The following MGAT4A variants were observed in gnomAD, a reference collection of about 807,000 sequenced individuals.
The protein encoded by MGAT4A is alpha-1,3-mannosyl-glycoprotein 4-beta-N-acetylglucosaminyltransferase A.
A neutral mutation model predicts 74.1 loss-of-function variants in MGAT4A; 33 were observed. The observed-to-expected ratio is 0.45, with a 90% CI of 0.34 to 0.60. The LOEUF is 0.60. Ranked by LOEUF, MGAT4A falls within the 20% of genes least tolerant of loss-of-function variation. MGAT4A has a pLI of 0.02. For synonymous variants in MGAT4A, 198 were observed against 210.4 expected (o/e 0.94, Z 0.51); for missense variants, 479 against 628.3 (o/e 0.76, Z 2.54).
intron 4 of MGAT4A, among the ~76,000 whole-genome samples, chr2:98,669,048 C>T (rs1209635636): frequency 2.6e-5 from 4 of 152,114 alleles, no homozygotes; most frequent in African/African-American, 7.2e-5. Context: ...TCAGATGAGA[C>T]GTTGGACTGT....
chr2:98,642,005 A>G (rs951411199), intron 10 of MGAT4A, among the ~76,000 whole-genome samples: 16 of 152,084 alleles, frequency 1.1e-4, no homozygotes, highest in Middle Eastern at 3.2e-3. Flanking sequence ...CAAAAAAAAA[A>G]AAAAAAGAAA....
chr2:98,705,638 G>A (rs879922450), intron 2 of MGAT4A, among the ~76,000 whole-genome samples: 3 of 152,122 alleles, frequency 2.0e-5, no homozygotes, highest in South Asian at 2.1e-4. Flanking sequence ...GGAGTAGTCC[G>A]AACTTAATGA....
intron 1 of MGAT4A, among the ~76,000 whole-genome samples, chr2:98,727,504 C>T (rs1262248146): frequency 3.9e-5 from 6 of 152,180 alleles, no homozygotes; most frequent in Non-Finnish European, 8.8e-5. Flanking sequence ...CCACTCTATG[C>T]ATGGTCAGTC....
intron 2 of MGAT4A, among the ~76,000 whole-genome samples, chr2:98,701,555 G>A (rs753166199): frequency 1.8e-4 from 28 of 152,190 alleles, no homozygotes; most frequent in Non-Finnish European, 3.2e-4. Flanking sequence ...CACAGCACAT[G>A]TACTGCTTAA....
At position 98,711,927 on chromosome 2, in the gene MGAT4A, T is replaced by C. The variant is rs115504118; in HGVS notation, c.94+14312A>G. 1.4e-3 allele frequency among the ~76,000 whole-genome samples: 219 copies of C among 152,346 alleles called. 1 individual carries two copies. The highest frequency in any genetic ancestry group is 2.5e-3 in the South Asian group (12 of 4,832). On this transcript the variant is annotated intron_variant, in intron 2 of 15. Transcript: ENST00000393487. ...GCATGAGTCACCACACACAGCAGGA[T>C]ATTTTATAGCAAGTAAAATTTAGGA...
chr2:98,676,973 G>C (rs1442365484), intron 3 of MGAT4A, among the ~76,000 whole-genome samples: 1 of 152,190 alleles, frequency 6.6e-6, no homozygotes, highest in African/African-American at 2.4e-5. Flanking sequence ...GAAGGAGCAC[G>C]CAACTTTATA....
In MGAT4A at chr2:98,654,535, C is replaced by T. The variant is rs145398786; in HGVS notation, c.774+910G>A. On this transcript the variant is annotated intron_variant, in intron 8 of 15. Transcript: ENST00000393487. Reference sequence around the variant, plus strand: ...ACAATGACCAATCCAAAAAAAAAATCAAGAAAACAATGCCATTTACTGTAG... The same window carrying T: ...ACAATGACCAATCCAAAAAAAAAATTAAGAAAACAATGCCATTTACTGTAG... Among the ~76,000 whole-genome samples, 287 of 151,526 alleles carry T rather than the reference C, an allele frequency of 1.9e-3. 1 individual carries two copies. In the Middle Eastern group the frequency reaches 0.044, roughly 23 times the overall value.
chr2:98,674,897 T>C (rs1701957552), intron 4 of MGAT4A, 138 bp downstream of exon 4: 2 of 776,402 alleles, frequency 2.6e-6, no homozygotes, highest in Admixed American at 7.2e-5. Flanking sequence ...CAACATGGAG[T>C]TTAGAATGAT....
At chr2:98,638,976 G>A (rs1056802362) in intron 12 of MGAT4A, among the ~76,000 whole-genome samples, 6 of 152,124 alleles carry the variant, frequency 3.9e-5, no homozygotes, top group Admixed American at 1.3e-4. Context: ...AAGGACTGAA[G>A]GAATCACGAC....
intron 1 of MGAT4A, among the ~76,000 whole-genome samples, chr2:98,730,521 T>A (rs1049050001): frequency 6.6e-6 from 1 of 152,042 alleles, no homozygotes; most frequent in Non-Finnish European, 1.5e-5. Flanking sequence ...CCCCTGCCCC[T>A]GCGCCTCGGA....
chr2:98,670,131 G>C (rs772634170), intron 4 of MGAT4A, among the ~76,000 whole-genome samples: 1 of 152,166 alleles, frequency 6.6e-6, no homozygotes, highest in African/African-American at 2.4e-5. Flanking sequence ...TACTGAGTTA[G>C]AGTTAAGAAG....
intron 2 of MGAT4A, among the ~76,000 whole-genome samples, chr2:98,721,167 C>A (rs2104335413): frequency 6.6e-6 from 1 of 152,226 alleles, no homozygotes; most frequent in African/African-American, 2.4e-5. Flanking sequence ...TCCTTGTTAA[C>A]CAAGAATCCT....
chr2:98,657,955 A>G (rs6750281), intron 6 of MGAT4A, among the ~76,000 whole-genome samples: 75,642 of 151,994 alleles, frequency 0.5, 20,401 homozygotes, highest in African/African-American at 0.7. Flanking sequence ...TGTCTTCAAG[A>G]TTAAAGACTG....
chr2:98,650,104 A>T (rs148179305), intron 8 of MGAT4A, among the ~76,000 whole-genome samples: 79 of 152,330 alleles, frequency 5.2e-4, no homozygotes, highest in Middle Eastern at 6.8e-3. Context: ...GCCAAACAGA[A>T]ATTCTAAAAC....
intron 14 of MGAT4A, among the ~76,000 whole-genome samples, chr2:98,626,809 G>A: frequency 6.6e-6 from 1 of 152,062 alleles, no homozygotes; most frequent in East Asian, 1.9e-4. Context: ...AAAACTGACT[G>A]CAAATGTTCC....
chr2:98,704,239 C>T (rs1015218722), intron 2 of MGAT4A, among the ~76,000 whole-genome samples: 3 of 152,174 alleles, frequency 2.0e-5, no homozygotes, highest in Non-Finnish European at 4.4e-5. Flanking sequence ...AGCACTATGC[C>T]GGCCTATGTA....
intron 5 of MGAT4A, among the ~76,000 whole-genome samples, 161 bp from the exon 6 acceptor site, chr2:98,658,425 T>C (rs905363065): frequency 1.3e-5 from 2 of 152,262 alleles, no homozygotes; most frequent in Non-Finnish European, 2.9e-5. Flanking sequence ...TGTTCTATTG[T>C]ACTACTGAAT....
chr2:98,702,803 A>T (rs1294008072), intron 2 of MGAT4A, among the ~76,000 whole-genome samples: 2 of 152,256 alleles, frequency 1.3e-5, no homozygotes, highest in Non-Finnish European at 2.9e-5. Context: ...TCAAAACGGA[A>T]GTACAGAGAC....
chr2:98,626,295 C>T (rs1468172319), intron 14 of MGAT4A, among the ~76,000 whole-genome samples: 1 of 152,172 alleles, frequency 6.6e-6, no homozygotes, highest in Non-Finnish European at 1.5e-5. Flanking sequence ...CAAGTGTATT[C>T]TTTCCAAAGG....
Sources: allele counts gnomAD v4.1 joint callset (sites outside exome capture counted in the v4.1 genomes callset), GRCh38; gene constraint gnomAD v4.1.1; transcripts MANE v1.5; gene names NCBI Gene and HGNC (gene_info 2026-07-23, HGNC 2026-07-21).